Variants in DENND6A observed in about 807,000 individuals in gnomAD.
The protein encoded by DENND6A is protein DENND6A.
DENND6A carries 43 observed loss-of-function variants against 95.5 expected under a neutral mutation model. The ratio of observed to expected loss-of-function variants is 0.45; its 90% confidence interval spans 0.35 to 0.58. The LOEUF (loss-of-function observed/expected upper bound fraction) is 0.58, where lower values mean the gene tolerates loss of function less well. Ranked by LOEUF, DENND6A falls within the 20% of genes least tolerant of loss-of-function variation. The probability of loss-of-function intolerance (pLI) is 0.00; values close to 1 mark genes in which losing one functional copy is unlikely to be tolerated. For synonymous variants in DENND6A, 257 were observed against 260.4 expected (o/e 0.99, Z 0.13); for missense variants, 574 against 736.0 (o/e 0.78, Z 2.55).
chr3:57,655,184 G>A (rs1001619851), intron 9 of DENND6A, among the ~76,000 whole-genome samples: 19 of 152,014 alleles, frequency 1.2e-4, no homozygotes, highest in African/African-American at 2.2e-4. Flanking sequence ...CAGGCGGCCC[G>A]CCACCATGCC....
chr3:57,688,875 T>A (rs1026469125), intron 1 of DENND6A, among the ~76,000 whole-genome samples: 25 of 152,092 alleles, frequency 1.6e-4, no homozygotes, highest in African/African-American at 5.3e-4. Context: ...CAAAATTATA[T>A]AAAGAAAAAA....
At chr3:57,658,222 C>T (rs145279333) in intron 8 of DENND6A, among the ~76,000 whole-genome samples, 14 of 149,102 alleles carry the variant, frequency 9.4e-5, no homozygotes, top group African/African-American at 2.7e-4. Flanking sequence ...GGTGACAGAG[C>T]GAGACTCCAT....
intron 1 of DENND6A, among the ~76,000 whole-genome samples, chr3:57,676,573 GA>G: frequency 6.6e-6 from 1 of 151,668 alleles, no homozygotes; most frequent in African/African-American, 2.4e-5. Context: ...TGTGTATTAG[GA>G]AAAAAGACCT....
chr3:57,656,666 A>T (rs1021218508), intron 9 of DENND6A, among the ~76,000 whole-genome samples: 1 of 152,128 alleles, frequency 6.6e-6, no homozygotes, highest in Non-Finnish European at 1.5e-5. Context: ...AAAAACAAAC[A>T]AAAAGGTCAG....
chr3:57,659,218 G>T, intron 7 of DENND6A, 38 bp from the exon 8 acceptor site: 2 of 1,606,984 alleles, frequency 1.2e-6, no homozygotes, highest in Non-Finnish European at 8.5e-7. Context: ...GGTTATAAAA[G>T]AATGGAGGAT....
intron 18 of DENND6A, among the ~76,000 whole-genome samples, 178 bp from the exon 19 acceptor site, chr3:57,629,063 A>G (rs894090683): frequency 9.9e-5 from 15 of 152,262 alleles, no homozygotes; most frequent in Non-Finnish European, 1.8e-4. Context: ...TAACTGTTAG[A>G]TAATTTTCTG....
intron 4 of DENND6A, 93 bp downstream of exon 4, chr3:57,666,030 C>A: frequency 1.9e-6 from 2 of 1,080,662 alleles, no homozygotes; most frequent in Non-Finnish European, 2.7e-6. Context: ...AAAACAAAAG[C>A]AAAATATTTC....
At chr3:57,660,868 G>A (rs1160018552) in intron 6 of DENND6A, 29 bp from the exon 7 acceptor site, 1 of 1,530,558 alleles carries the variant, frequency 6.5e-7, no homozygotes, top group Admixed American at 2.0e-5. Flanking sequence ...TATTTTCTTA[G>A]AATAAGTGAA....
intron 1 of DENND6A, among the ~76,000 whole-genome samples, chr3:57,673,989 C>T (rs1021590422): frequency 7.9e-5 from 12 of 152,090 alleles, no homozygotes; most frequent in African/African-American, 1.2e-4. Flanking sequence ...AGGGTGGTCT[C>T]GAAATCCTGA....
chr3:57,670,329 T>C (rs1349132045), intron 3 of DENND6A, among the ~76,000 whole-genome samples: 1 of 152,164 alleles, frequency 6.6e-6, no homozygotes, highest in Non-Finnish European at 1.5e-5. Flanking sequence ...GTGGTTAAAC[T>C]TGGGAGCTTA....
chr3:57,686,096 C>T (rs138816414), intron 1 of DENND6A, among the ~76,000 whole-genome samples: 1 of 152,194 alleles, frequency 6.6e-6, no homozygotes, highest in Non-Finnish European at 1.5e-5. Flanking sequence ...ATAAGAAGAA[C>T]AAAATAAATA....
At chr3:57,692,681 G>C in intron 1 of DENND6A, 101 bp downstream of exon 1, 1 of 1,120,976 alleles carries the variant, frequency 8.9e-7, no homozygotes, top group Non-Finnish European at 1.2e-6. Context: ...CGGATGCGCC[G>C]CGGACAGGGT....
At chr3:57,641,292 TATA>T (rs909579288) in intron 12 of DENND6A, among the ~76,000 whole-genome samples, 1 of 143,768 alleles carries the variant, frequency 7.0e-6, no homozygotes, top group African/African-American at 2.5e-5. Flanking sequence ...ATTTAAATAT[TATA>T]TATTTAAATA....
chr3:57,652,951 G>T lies in DENND6A; in HGVS notation c.818+4729C>A, dbSNP rs72874835. The stretch of plus-strand genomic sequence containing the variant: ...AGATGATTCTCAACTAGACATTATT[G>T]TAACAACTGGTAACATTTGAACTGG... On this transcript the variant is annotated intron_variant, in intron 9 of 19. Transcript: ENST00000311128. Among the ~76,000 whole-genome samples the T allele has an allele frequency of 6.8e-3, 1,040 of 152,294 alleles. 13 individuals carry two copies. The highest frequency in any genetic ancestry group is 0.023 in the African/African-American group (965 of 41,568).
At chr3:57,646,177 G>C in intron 10 of DENND6A, 139 bp downstream of exon 10, 1 of 1,219,232 alleles carries the variant, frequency 8.2e-7, no homozygotes, top group East Asian at 2.5e-5. Context: ...ATTACCTTCT[G>C]ATAGGGTTTT....
chr3:57,680,481 G>A (rs2077154299), intron 1 of DENND6A, among the ~76,000 whole-genome samples: 2 of 152,134 alleles, frequency 1.3e-5, no homozygotes, highest in African/African-American at 4.8e-5. Context: ...CTGCCAGAAG[G>A]TGCCATCTAT....
chr3:57,646,192 T>C (rs1319332697), intron 10 of DENND6A, 124 bp downstream of exon 10: 2 of 1,347,516 alleles, frequency 1.5e-6, no homozygotes, highest in Non-Finnish European at 1.0e-6. Context: ...GGTTTTTGCA[T>C]GGATCAATGC....
chr3:57,642,994 G>A (rs142055855), intron 11 of DENND6A, among the ~76,000 whole-genome samples: 80 of 132,208 alleles, frequency 6.1e-4, no homozygotes, highest in Non-Finnish European at 3.9e-4. Context: ...GGACAAGAGC[G>A]AGACTTCATC....
rs756472610 is a variant in DENND6A, at chr3:57,692,788, G to C, written c.231C>G (p.Ala77=). The C allele has an allele frequency of 3.9e-6, 6 of 1,527,074 alleles. No homozygotes were observed. The highest frequency in any genetic ancestry group is 5.2e-6 in the Non-Finnish European group (6 of 1,142,898). 94.6% of individuals were successfully genotyped at this position (1,527,074 alleles called of 1,614,324 possible). A position where few individuals can be genotyped will look rare whatever the true frequency, so the allele number is the denominator to read the frequency against. Residue 77 remains alanine (A), a synonymous_variant, in exon 1 of 20, where the codon GCC becomes GCG. Coordinates refer to ENST00000311128, the MANE Select transcript of DENND6A (RefSeq NM_152678.3). ...VVGFDLELGQ[A]VEVIYPQHSK... ...GGGCGGGGCCGGGCCTCACCTCCACGGCCTGGCCCAGCTCCAGGTCGAAGC... is the reference window on the plus strand; with the variant it reads ...GGGCGGGGCCGGGCCTCACCTCCACCGCCTGGCCCAGCTCCAGGTCGAAGC...
Sources: gnomAD v4.1 joint callset for allele counts (sites outside exome capture counted in the v4.1 genomes callset) on GRCh38, gnomAD v4.1.1 for gene constraint, MANE v1.5 for transcripts, NCBI Gene and HGNC (gene_info 2026-07-23, HGNC 2026-07-21) for gene names.